PCDH17: variants seen among roughly 807,000 people sequenced by gnomAD.
The protein encoded by PCDH17 is protocadherin 17, also known as protocadherin-17.
In PCDH17, 21 loss-of-function variants were observed where a neutral mutation model predicts 67.7. That is an observed-to-expected ratio of 0.31 (90% CI 0.22 to 0.45). The LOEUF (loss-of-function observed/expected upper bound fraction) is 0.45. PCDH17 is among the 20% of genes least tolerant of loss of function. The pLI, the probability that PCDH17 is intolerant of heterozygous loss-of-function variation, is 1.00. For synonymous variants in PCDH17, 701 were observed against 656.7 expected, an observed-to-expected ratio of 1.07 and a Z score of -1.03; for missense variants, 1,471 against 1,564.8, an observed-to-expected ratio of 0.94 and a Z score of 1.01.
intron 1 of PCDH17, among the ~76,000 whole-genome samples, chr13:57,659,850 C>T (rs755662002): frequency 4.6e-5 from 7 of 152,056 alleles, no homozygotes; most frequent in Non-Finnish European, 1.0e-4. Flanking sequence ...TACTTTGCAA[C>T]AAGTGCAGTT....
chr13:57,707,098 C>T (rs964278083), intron 3 of PCDH17, among the ~76,000 whole-genome samples: 1 of 152,062 alleles, frequency 6.6e-6, no homozygotes. Context: ...AACCACACCA[C>T]ACACATCACA....
intron 1 of PCDH17, among the ~76,000 whole-genome samples, chr13:57,660,370 G>C (rs537664605): frequency 6.6e-5 from 10 of 151,962 alleles, no homozygotes; most frequent in Non-Finnish European, 1.5e-4. Flanking sequence ...ATCTACATAG[G>C]TTTCAGAAAT....
At chr13:57,681,006 A>G (rs1481783382) in intron 3 of PCDH17, among the ~76,000 whole-genome samples, 1 of 151,832 alleles carries the variant, frequency 6.6e-6, no homozygotes, top group Admixed American at 6.6e-5. Flanking sequence ...AGAAAAAATT[A>G]TTAAACATCT....
chr13:57,641,705 A>C (rs959792498), intron 1 of PCDH17, among the ~76,000 whole-genome samples: 1 of 146,668 alleles, frequency 6.8e-6, no homozygotes, highest in Admixed American at 6.9e-5. Flanking sequence ...ATCTATTCCA[A>C]GCAGTTTTAT....
chr13:57,645,873 A>G (rs977555160), intron 1 of PCDH17, among the ~76,000 whole-genome samples: 2 of 151,290 alleles, frequency 1.3e-5, no homozygotes, highest in Admixed American at 6.6e-5. Flanking sequence ...AGGATTACCC[A>G]ACCTCAGTCA....
intron 3 of PCDH17, among the ~76,000 whole-genome samples, chr13:57,708,191 CA>C (rs1198679819): frequency 6.6e-6 from 1 of 151,870 alleles, no homozygotes; most frequent in Non-Finnish European, 1.5e-5. Context: ...GGATTATTAT[CA>C]AGTAAATGTA....
chr13:57,697,492 C>T (rs1386418035), intron 3 of PCDH17, among the ~76,000 whole-genome samples: 1 of 151,432 alleles, frequency 6.6e-6, no homozygotes, highest in Non-Finnish European at 1.5e-5. Context: ...TGTTAAGAAG[C>T]CAACTATTTA....
At chr13:57,644,799 C>T (rs907358428) in intron 1 of PCDH17, among the ~76,000 whole-genome samples, 3 of 151,652 alleles carry the variant, frequency 2.0e-5, no homozygotes, top group Non-Finnish European at 4.4e-5. Context: ...GAAAAGTTGA[C>T]ATGTAATGTC....
intron 3 of PCDH17, among the ~76,000 whole-genome samples, chr13:57,707,276 C>G (rs1051407187): frequency 4.0e-5 from 6 of 151,168 alleles, no homozygotes; most frequent in African/African-American, 1.2e-4. Flanking sequence ...GCATTTATGA[C>G]TATATATACG....
At chr13:57,701,935 T>C (rs149064524) in intron 3 of PCDH17, among the ~76,000 whole-genome samples, 1 of 152,170 alleles carries the variant, frequency 6.6e-6, no homozygotes, top group African/African-American at 2.4e-5. Flanking sequence ...GGGTTTTTTT[T>C]TGGATGGAGT....
At chr13:57,646,492 C>T (rs772155913) in intron 1 of PCDH17, among the ~76,000 whole-genome samples, 3 of 151,638 alleles carry the variant, frequency 2.0e-5, no homozygotes, top group South Asian at 4.1e-4. Context: ...GAGTTAGCTA[C>T]GTTTGTCTGA....
At chr13:57,669,836 T>C (rs984927240) in intron 3 of PCDH17, among the ~76,000 whole-genome samples, 2 of 152,068 alleles carry the variant, frequency 1.3e-5, no homozygotes, top group Non-Finnish European at 2.9e-5. Flanking sequence ...CTCATTGCTA[T>C]GAGAATATAT....
At chr13:57,701,392 G>A (rs1386503946) in intron 3 of PCDH17, among the ~76,000 whole-genome samples, 2 of 152,074 alleles carry the variant, frequency 1.3e-5, no homozygotes, top group Admixed American at 6.6e-5. Context: ...TCTAATTTGT[G>A]TGGGGCCCTA....
Position 57,728,335 on chromosome 13 carries a change from AT to A in PCDH17, c.*3042del, listed in dbSNP as rs1396398579. On this transcript the variant is annotated 3_prime_UTR_variant, in exon 4 of 4. Coordinates refer to ENST00000377918, the MANE Select transcript of PCDH17 (RefSeq NM_001040429.3). Reference sequence around the variant, plus strand: ...TAACATAATTTAGAATGTGAAAAAAATATCAATTCATATCTTTCAAGTACTA... The same window carrying A: ...TAACATAATTTAGAATGTGAAAAAAAATCAATTCATATCTTTCAAGTACTA... The A allele has an allele frequency of 1.3e-5, 2 of 152,216 alleles. No homozygotes were observed. Among genetic ancestry groups the A allele is most frequent in the East Asian group, 3.9e-4 (2 of 5,174 alleles). The allele number at this position is 152,216 out of a possible 1,614,324, so 9.4% of individuals were successfully genotyped here. A position where few individuals can be genotyped will look rare whatever the true frequency, so the allele number is the denominator to read the frequency against.
In PCDH17 at chr13:57,721,888, T is replaced by C. The variant is rs565812276; in HGVS notation, c.2798-2724T>C. On this transcript the variant is annotated intron_variant, in intron 3 of 3. Transcript: ENST00000377918. ...CTGTATTTACCTATTCATCCATTTA[T>C]GTTTTTTCAAAAATGATTTCCCTCT... 7.7e-4 allele frequency among the ~76,000 whole-genome samples: 117 copies of C among 152,320 alleles called. 2 individuals are homozygous for C. Among genetic ancestry groups the C allele is most frequent in the African/African-American group, 2.7e-3 (114 of 41,584 alleles).
chr13:57,711,270 G>A (rs1237619419), intron 3 of PCDH17, among the ~76,000 whole-genome samples: 1 of 151,752 alleles, frequency 6.6e-6, no homozygotes, highest in African/African-American at 2.4e-5. Context: ...TACATGCACA[G>A]GCACATGTAC....
chr13:57,650,120 T>G, intron 1 of PCDH17, among the ~76,000 whole-genome samples: 1 of 152,152 alleles, frequency 6.6e-6, no homozygotes, highest in East Asian at 1.9e-4. Flanking sequence ...CTTTTTTAGT[T>G]ATGTTATAAA....
chr13:57,659,077 G>A (rs564750470), intron 1 of PCDH17, among the ~76,000 whole-genome samples: 1 of 150,618 alleles, frequency 6.6e-6, no homozygotes, highest in East Asian at 2.0e-4. Context: ...CATAATATTG[G>A]CTAATTAGCA....
chr13:57,675,700 G>A lies in PCDH17; in HGVS notation c.2797+8867G>A, dbSNP rs368530782. On this transcript the variant is annotated intron_variant, in intron 3 of 3. Transcript: ENST00000377918. ...TTGCTGTGAGGTGCAGATGAGTAGCGATGTGTGAGACTAGGAATGGCAGAT... is the reference window on the plus strand; with the variant it reads ...TTGCTGTGAGGTGCAGATGAGTAGCAATGTGTGAGACTAGGAATGGCAGAT... 5.9e-5 allele frequency among the ~76,000 whole-genome samples: 9 copies of A among 152,044 alleles called. No homozygotes were observed. The South Asian group carries it at 6.2e-4, about 11-fold the overall frequency.
Sources: gnomAD v4.1 joint callset for allele counts (sites outside exome capture counted in the v4.1 genomes callset) on GRCh38, gnomAD v4.1.1 for gene constraint, MANE v1.5 for transcripts, NCBI Gene and HGNC (gene_info 2026-07-23, HGNC 2026-07-21) for gene names.